GAS2: variants seen among roughly 807,000 people sequenced by gnomAD.
GAS2 encodes the protein growth arrest-specific protein 2.
In GAS2, 20 loss-of-function variants were observed where a neutral mutation model predicts 37.5. The observed-to-expected ratio is 0.53, with a 90% CI of 0.37 to 0.77. The LOEUF is 0.77. Ranked by LOEUF, GAS2 falls within the 30% of genes least tolerant of loss-of-function variation. The pLI is 0.00. For synonymous variants in GAS2, 144 were observed against 132.2 expected (o/e 1.09, Z -0.61); for missense variants, 336 against 373.4 (o/e 0.90, Z 0.82).
intron 3 of GAS2, among the ~76,000 whole-genome samples, chr11:22,698,243 C>T (rs1206598898): frequency 2.0e-5 from 3 of 152,212 alleles, no homozygotes; most frequent in African/African-American, 7.2e-5. Context: ...ACAAACACCT[C>T]TATGCAAATA....
intron 3 of GAS2, among the ~76,000 whole-genome samples, chr11:22,701,558 G>A (rs1004870330): frequency 6.6e-6 from 1 of 152,212 alleles, no homozygotes; most frequent in Non-Finnish European, 1.5e-5. Flanking sequence ...GCTGGGCGCG[G>A]TGGCTCACGC....
intron 1 of GAS2, among the ~76,000 whole-genome samples, chr11:22,657,347 TCTC>T (rs764640951): frequency 9.2e-5 from 14 of 152,188 alleles, no homozygotes; most frequent in Admixed American, 2.0e-4. Flanking sequence ...TAGCTGGTTT[TCTC>T]CTCCCTGTGG....
intron 5 of GAS2, among the ~76,000 whole-genome samples, chr11:22,744,551 A>T (rs915876170): frequency 2.0e-5 from 3 of 152,254 alleles, no homozygotes; most frequent in Admixed American, 1.3e-4. Context: ...CAAAAGCCAT[A>T]TGATCATCTG....
intron 6 of GAS2, among the ~76,000 whole-genome samples, chr11:22,749,829 A>T (rs1050977079): frequency 6.6e-6 from 1 of 152,032 alleles, no homozygotes; most frequent in Admixed American, 6.6e-5. Context: ...CCCTTGAGTC[A>T]CAATTTTTGG....
At chr11:22,732,488 C>G (rs939080230) in intron 4 of GAS2, among the ~76,000 whole-genome samples, 3 of 151,740 alleles carry the variant, frequency 2.0e-5, no homozygotes, top group Non-Finnish European at 4.4e-5. Context: ...CATTATTGAG[C>G]TTGTGAGATT....
At position 22,786,625 on chromosome 11, in the gene GAS2, A is replaced by G. The variant is rs539064540; in HGVS notation, c.724-25173A>G. 2.0e-5 allele frequency among the ~76,000 whole-genome samples: 3 copies of G among 152,280 alleles called. No individual in the cohort carries two copies. In the South Asian group the frequency reaches 6.2e-4, roughly 32 times the overall value. On this transcript the variant is annotated intron_variant, in intron 7 of 7. Transcript: ENST00000454584. ...GTAGTACAGAAATGATTGTAATTGT[A>G]TCTACCGTTTACTTCTATGAATGTT...
intron 3 of GAS2, among the ~76,000 whole-genome samples, chr11:22,690,458 T>C (rs1850188562): frequency 6.6e-6 from 1 of 152,168 alleles, no homozygotes; most frequent in African/African-American, 2.4e-5. Context: ...TGGGCCATTT[T>C]CTAACTCTGC....
upstream of GAS2, among the ~76,000 whole-genome samples, chr11:22,663,959 C>CA (rs146667563): frequency 0.012 from 1,820 of 152,212 alleles, 52 homozygotes; most frequent in East Asian, 0.076. Context: ...AGTATGTCAA[C>CA]AAAATGTAAG....
intron 6 of GAS2, 76 bp downstream of exon 6, chr11:22,749,337 T>C: frequency 7.5e-7 from 1 of 1,340,594 alleles, no homozygotes; most frequent in Non-Finnish European, 1.0e-6. Flanking sequence ...TGCAATCTCG[T>C]ATCAGTCTAA....
chr11:22,738,544 T>C (rs1371570670), intron 5 of GAS2, among the ~76,000 whole-genome samples: 1 of 152,188 alleles, frequency 6.6e-6, no homozygotes, highest in Non-Finnish European at 1.5e-5. Flanking sequence ...AATTCAAGAT[T>C]AATTAGAAAA....
intron 1 of GAS2, among the ~76,000 whole-genome samples, chr11:22,650,246 C>T (rs1848757234): frequency 6.7e-6 from 1 of 150,260 alleles, no homozygotes; most frequent in Non-Finnish European, 1.5e-5. Flanking sequence ...GATTCTTAAT[C>T]CTGAGTTCTA....
intron 1 of GAS2, among the ~76,000 whole-genome samples, chr11:22,660,830 A>T (rs1848908310): frequency 6.6e-6 from 1 of 152,182 alleles, no homozygotes; most frequent in Non-Finnish European, 1.5e-5. Context: ...CACTGACCCT[A>T]TTCCCAGGCA....
intron 7 of GAS2, among the ~76,000 whole-genome samples, chr11:22,764,482 C>G (rs1246547024): frequency 6.6e-6 from 1 of 151,056 alleles, no homozygotes; most frequent in African/African-American, 2.4e-5. Flanking sequence ...ATGGCGTGAG[C>G]CCGGGAGGCG....
In GAS2 at chr11:22,802,594, G is replaced by A. The variant is rs79832587; in HGVS notation, c.724-9204G>A. 5.5e-3 allele frequency among the ~76,000 whole-genome samples: 830 copies of A among 152,012 alleles called. 13 individuals are homozygous for A. The highest frequency in any genetic ancestry group is 0.039 in the East Asian group (201 of 5,172). ...GATCAGAGGCACAGTAAGGAATGAA[G>A]CCAATTGTTAAAAATGATGACAGCC... On this transcript the variant is annotated intron_variant, in intron 7 of 7. Coordinates refer to ENST00000454584, the MANE Select transcript of GAS2 (RefSeq NM_001143830.3).
chr11:22,764,016 A>T (rs376676721), intron 7 of GAS2, among the ~76,000 whole-genome samples: 22 of 152,340 alleles, frequency 1.4e-4, no homozygotes, highest in African/African-American at 3.6e-4. Context: ...CACTTTGGTA[A>T]AACATATCTC....
At chr11:22,639,699 A>T (rs1266978379) in intron 1 of GAS2, among the ~76,000 whole-genome samples, 1 of 152,186 alleles carries the variant, frequency 6.6e-6, no homozygotes, top group African/African-American at 2.4e-5. Flanking sequence ...AATCTTAAAA[A>T]ATATTAAATT....
intron 3 of GAS2, among the ~76,000 whole-genome samples, chr11:22,704,280 A>T (rs888787070): frequency 9.2e-5 from 14 of 152,030 alleles, no homozygotes; most frequent in African/African-American, 3.1e-4. Flanking sequence ...AAATGAAATA[A>T]ATACAAAATA....
intron 7 of GAS2, among the ~76,000 whole-genome samples, chr11:22,806,896 T>A (rs1256980901): frequency 1.3e-5 from 2 of 152,128 alleles, no homozygotes; most frequent in East Asian, 3.9e-4. Context: ...TGAGGAAAGG[T>A]AATGGATTCC....
At chr11:22,693,039 T>C (rs1850329063) in intron 3 of GAS2, among the ~76,000 whole-genome samples, 1 of 152,132 alleles carries the variant, frequency 6.6e-6, no homozygotes, top group African/African-American at 2.4e-5. Context: ...CTCCAGAATG[T>C]GTGTATTTTA....
Sources: gnomAD v4.1 joint callset for allele counts (sites outside exome capture counted in the v4.1 genomes callset) on GRCh38, gnomAD v4.1.1 for gene constraint, MANE v1.5 for transcripts, NCBI Gene and HGNC (gene_info 2026-07-23, HGNC 2026-07-21) for gene names.